The following ANK1 variants were observed in gnomAD, a reference collection of about 807,000 sequenced individuals.
ANK1 encodes ankyrin-1.
Under a neutral mutation model 210.4 loss-of-function variants are expected in ANK1, and 51 were observed. The observed-to-expected ratio is 0.24, with a 90% CI of 0.19 to 0.31. The LOEUF (loss-of-function observed/expected upper bound fraction) is 0.31, where lower values mean the gene tolerates loss of function less well. ANK1 is among the 10% of genes least tolerant of loss of function. The probability of loss-of-function intolerance (pLI) is 1.00; values close to 1 mark genes in which losing one functional copy is unlikely to be tolerated. For missense variants in ANK1, 2,051 were observed against 2,504.4 expected (o/e 0.82, Z 3.86); for synonymous variants, 967 against 1,025.9 (o/e 0.94, Z 1.10).
intron 1 of ANK1, among the ~76,000 whole-genome samples, chr8:41,805,431 G>C (rs772353897): frequency 5.9e-5 from 9 of 151,922 alleles, no homozygotes; most frequent in Admixed American, 3.3e-4. Context: ...AGTTTTTGTA[G>C]AGACAGGATC....
chr8:41,720,061 C>T (rs555602981), intron 9 of ANK1, among the ~76,000 whole-genome samples: 1 of 152,346 alleles, frequency 6.6e-6, no homozygotes, highest in South Asian at 2.1e-4. Context: ...GCCAAACCTT[C>T]AAAGCCATGT....
chr8:41,864,287 A>G (rs1254499331), intron 1 of ANK1, among the ~76,000 whole-genome samples: 4 of 151,304 alleles, frequency 2.6e-5, no homozygotes, highest in African/African-American at 7.3e-5. Flanking sequence ...TTCCTCCAAG[A>G]GGCCACATCA....
upstream of ANK1, among the ~76,000 whole-genome samples, chr8:41,801,355 CGTGT>C (rs1361952999): frequency 6.6e-6 from 1 of 152,170 alleles, no homozygotes; most frequent in African/African-American, 2.4e-5. Flanking sequence ...TCCCAGTGCA[CGTGT>C]GTGAGATCTT....
At chr8:41,717,748 T>A in intron 11 of ANK1, 46 bp from the exon 12 acceptor site, 1 of 1,459,478 alleles carries the variant, frequency 6.9e-7, no homozygotes, top group South Asian at 1.2e-5. Flanking sequence ...GTCTTTCCGC[T>A]CCCCTGAAGA....
intron 3 of ANK1, among the ~76,000 whole-genome samples, chr8:41,729,278 A>G (rs1388999052): frequency 6.6e-6 from 1 of 152,266 alleles, no homozygotes; most frequent in East Asian, 1.9e-4. Context: ...ACTGGAGAGA[A>G]TAAACACTGG....
At chr8:41,879,218 C>T (rs1306165744) in intron 1 of ANK1, among the ~76,000 whole-genome samples, 1 of 152,262 alleles carries the variant, frequency 6.6e-6, no homozygotes, top group East Asian at 1.9e-4. Context: ...GTAAGTTAAT[C>T]AGTGGGGACC....
At chr8:41,691,594 T>C (rs1452691863) in intron 31 of ANK1, among the ~76,000 whole-genome samples, 1 of 152,162 alleles carries the variant, frequency 6.6e-6, no homozygotes, top group East Asian at 1.9e-4. Context: ...CTAGCCCCCA[T>C]GCCTTCACTC....
At chr8:41,826,810 T>C (rs1805467064) in intron 1 of ANK1, among the ~76,000 whole-genome samples, 1 of 152,188 alleles carries the variant, frequency 6.6e-6, no homozygotes, top group Admixed American at 6.5e-5. Context: ...TTTCTAGCCT[T>C]GTCGTAACAA....
At chr8:41,731,418 G>A (rs1832149907) in intron 3 of ANK1, among the ~76,000 whole-genome samples, 2 of 152,158 alleles carry the variant, frequency 1.3e-5, no homozygotes, top group Non-Finnish European at 2.9e-5. Flanking sequence ...TTCCAGTGGA[G>A]ATGAAAGCTG....
At position 41,704,284 on chromosome 8, in the gene ANK1, AC is replaced by A. The variant is rs1335247676; in HGVS notation, c.2196+89del. ...TCTTCCTTCAGGGTCCATGGTCAAA[AC>A]CCTAGTGCTCCCAGAGCAGCTCTGG... On this transcript the variant is annotated intron_variant, in intron 19 of 42. Transcript: ENST00000289734. The surrounding 1 kb of genome is among the most constrained non-coding windows in gnomAD (Gnocchi z 4.1). 8 of 1,437,996 alleles carry A rather than the reference AC, an allele frequency of 5.6e-6. No individual in the cohort carries two copies. Among genetic ancestry groups the A allele is most frequent in the Non-Finnish European group, 7.8e-6 (8 of 1,021,904 alleles). The allele number at this position is 1,437,996 out of a possible 1,614,324, so 89.1% of individuals were successfully genotyped here.
At chr8:41,804,794 C>A (rs555195544) in intron 1 of ANK1, among the ~76,000 whole-genome samples, 2 of 151,998 alleles carry the variant, frequency 1.3e-5, no homozygotes, top group Non-Finnish European at 2.9e-5. Context: ...TAGAGTGCTG[C>A]GAAATTCCCA....
At chr8:41,668,665 G>T in intron 38 of ANK1, 101 bp from the exon 39 acceptor site, 1 of 1,310,450 alleles carries the variant, frequency 7.6e-7, no homozygotes, top group Non-Finnish European at 1.0e-6. Context: ...CCCACCCAGA[G>T]CTCTGGCTCA....
At chr8:41,709,617 C>T (rs771337749) in intron 16 of ANK1, among the ~76,000 whole-genome samples, 3 of 152,174 alleles carry the variant, frequency 2.0e-5, no homozygotes, top group Non-Finnish European at 4.4e-5. Flanking sequence ...TGATACTATA[C>T]GTGAAGGTAT....
At chr8:41,840,059 A>C (rs1199442086) in intron 1 of ANK1, 2 of 152,018 alleles carry the variant, frequency 1.3e-5, no homozygotes, top group African/African-American at 4.8e-5. Context: ...TTATTTTTTA[A>C]GGAGATAGGG....
intron 1 of ANK1, among the ~76,000 whole-genome samples, chr8:41,858,334 T>G (rs1401632901): frequency 2.2e-5 from 3 of 136,160 alleles, no homozygotes; most frequent in African/African-American, 8.6e-5. Context: ...GGTGACGGAG[T>G]GACTCCATCT....
At chr8:41,681,602 G>C (rs981694753) in intron 37 of ANK1, among the ~76,000 whole-genome samples, 25 of 152,244 alleles carry the variant, frequency 1.6e-4, no homozygotes, top group Non-Finnish European at 3.5e-4. Context: ...CAGACATGCA[G>C]AGGGACCAGG....
intron 1 of ANK1, among the ~76,000 whole-genome samples, chr8:41,888,125 G>C (rs1225934752): frequency 1.3e-5 from 2 of 152,220 alleles, no homozygotes; most frequent in African/African-American, 4.8e-5. Flanking sequence ...TGCTATCGAA[G>C]ATGTTTTCTA....
chr8:41,862,374 C>T (rs916094688), intron 1 of ANK1, among the ~76,000 whole-genome samples: 1 of 152,102 alleles, frequency 6.6e-6, no homozygotes, highest in African/African-American at 2.4e-5. Flanking sequence ...AGGCAGGGAG[C>T]ACCTCCCAGC....
upstream of ANK1, among the ~76,000 whole-genome samples, chr8:41,801,909 T>C (rs1032109372): frequency 1.3e-5 from 2 of 152,230 alleles, no homozygotes; most frequent in African/African-American, 4.8e-5. Flanking sequence ...GTTTCTTTTG[T>C]CTTAAGGAGT....
Sources: allele counts gnomAD v4.1 joint callset (sites outside exome capture counted in the v4.1 genomes callset), GRCh38; gene constraint gnomAD v4.1.1; non-coding constraint Gnocchi (gnomAD v3.1); transcripts MANE v1.5; gene names NCBI Gene and HGNC (gene_info 2026-07-23, HGNC 2026-07-21).